PHF20: variants seen among roughly 807,000 people sequenced by gnomAD.
The protein encoded by PHF20 is glioma-expressed antigen 2.
PHF20 carries 23 observed loss-of-function variants against 113.5 expected under a neutral mutation model. The observed-to-expected ratio is 0.20, with a 90% confidence interval of 0.15 to 0.29. The LOEUF (loss-of-function observed/expected upper bound fraction) is 0.29. Ranked by LOEUF, PHF20 falls within the 10% of genes least tolerant of loss-of-function variation. PHF20 has a pLI of 1.00. For synonymous variants in PHF20, 434 were observed against 457.3 expected, an observed-to-expected ratio of 0.95 and a Z score of 0.65; for missense variants, 943 against 1,219.6, an observed-to-expected ratio of 0.77 and a Z score of 3.38.
At chr20:35,840,074 G>T (rs1289147691) in intron 2 of PHF20, among the ~76,000 whole-genome samples, 1 of 152,154 alleles carries the variant, frequency 6.6e-6, no homozygotes, top group Admixed American at 6.5e-5. Flanking sequence ...TAGGTAGGTA[G>T]CATGTGTTTA....
intron 1 of PHF20, among the ~76,000 whole-genome samples, chr20:35,781,297 C>G (rs546581733): frequency 3.1e-4 from 47 of 151,946 alleles, no homozygotes; most frequent in Non-Finnish European, 5.3e-4. Flanking sequence ...GCCTGCACCA[C>G]CACATCCGGC....
rs778378425 is a variant in PHF20, at chr20:35,801,541, A to C, written c.19A>C (p.Asn7His). MTKHPP[N>H]RRGISFEVGA... ...ACTGAAAATGACAAAGCATCCACCT[A>C]ACAGACGAGGAATCAGCTTTGAAGT... The change falls in exon 2 of 18, where the codon AAC (asparagine) becomes CAC (histidine). Residue 7 changes from asparagine (N) to histidine (H), a missense_variant. Physicochemically the swap from Asn to His is moderately conservative, Grantham distance 68 (BLOSUM62 1). Transcript: ENST00000374012. 4.3e-6 allele frequency: 7 copies of C among 1,613,682 alleles called. No homozygotes were observed. The South Asian group carries it at 7.7e-5, about 18-fold the overall frequency.
chr20:35,899,568 T>C lies in PHF20; in HGVS notation c.1481T>C (p.Val494Ala), dbSNP rs576290949. 1 of 1,614,140 alleles carries C rather than the reference T, an allele frequency of 6.2e-7. No homozygotes were observed. Among genetic ancestry groups the C allele is most frequent in the African/African-American group, 1.3e-5 (1 of 75,038 alleles). The change falls in exon 10 of 18, where the codon GTC becomes GCC. Residue 494 changes from valine to alanine, a missense_variant. By Grantham distance (64) the Val-to-Ala change is moderately conservative (BLOSUM62 0). Around this residue, in one of 3 missense-constraint regions of PHF20, gnomAD observed 592 missense variants for 787.2 expected, o/e 0.75. Transcript: ENST00000374012. ...EPEESPGKRH[V>A]QTRGPSASDK... ...GAAGAGAGCCCGGGAAAGAGGCATG[T>C]CCAAACCAGGGGCCCTTCAGCTTCA... is the stretch of plus-strand genomic sequence containing the variant.
intron 10 of PHF20, among the ~76,000 whole-genome samples, chr20:35,902,219 A>G (rs933204491): frequency 6.6e-6 from 1 of 152,192 alleles, no homozygotes; most frequent in Non-Finnish European, 1.5e-5. Context: ...TGTAGAAACA[A>G]CCAGCACTGA....
intron 10 of PHF20, among the ~76,000 whole-genome samples, chr20:35,911,369 G>A (rs1406539155): frequency 6.6e-6 from 1 of 152,118 alleles, no homozygotes; most frequent in East Asian, 1.9e-4. Context: ...TTGCTGAAAA[G>A]TCTTCCATTG....
intron 2 of PHF20, among the ~76,000 whole-genome samples, chr20:35,810,027 T>G (rs2041950000): frequency 6.6e-6 from 1 of 152,036 alleles, no homozygotes; most frequent in Non-Finnish European, 1.5e-5. Flanking sequence ...CCTCCTGAGT[T>G]CAAGCGATTC....
chr20:35,799,065 A>G (rs1166179110), intron 1 of PHF20, among the ~76,000 whole-genome samples: 2 of 151,972 alleles, frequency 1.3e-5, no homozygotes, highest in South Asian at 2.1e-4. Context: ...ATTTTTTTCC[A>G]TACTCATTTA....
At chr20:35,892,666 T>A (rs1166882744) in intron 9 of PHF20, among the ~76,000 whole-genome samples, 1 of 152,216 alleles carries the variant, frequency 6.6e-6, no homozygotes, top group Non-Finnish European at 1.5e-5. Flanking sequence ...GTTCTGAAAT[T>A]ATAGCAAATT....
chr20:35,878,912 A>G (rs760615554), intron 9 of PHF20, among the ~76,000 whole-genome samples: 4 of 152,198 alleles, frequency 2.6e-5, no homozygotes, highest in Admixed American at 6.5e-5. Context: ...CTGAATTACT[A>G]GTGACTAGTT....
chr20:35,798,897 G>A (rs1046252721), intron 1 of PHF20, among the ~76,000 whole-genome samples: 1 of 152,100 alleles, frequency 6.6e-6, no homozygotes, highest in Non-Finnish European at 1.5e-5. Flanking sequence ...CAGTAGCTGG[G>A]ATTATAAGCC....
At chr20:35,933,727 T>G (rs1190627913) in intron 15 of PHF20, among the ~76,000 whole-genome samples, 1 of 152,168 alleles carries the variant, frequency 6.6e-6, no homozygotes, top group African/African-American at 2.4e-5. Context: ...GAGATGGGGT[T>G]TCACCATGTT....
At chr20:35,801,739 G>C (rs1284117728) in intron 2 of PHF20, 134 bp downstream of exon 2, 1 of 608,710 alleles carries the variant, frequency 1.6e-6, no homozygotes, top group African/African-American at 1.9e-5. Context: ...GGAAATGTCA[G>C]TCTTTTCTCT....
chr20:35,806,441 G>A (rs62211718), intron 2 of PHF20, among the ~76,000 whole-genome samples: 2 of 151,966 alleles, frequency 1.3e-5, no homozygotes, highest in South Asian at 2.1e-4. Context: ...GATTACAAGC[G>A]TGAGTCACCA....
At chr20:35,816,762 A>G (rs982707342) in intron 2 of PHF20, among the ~76,000 whole-genome samples, 2 of 147,052 alleles carry the variant, frequency 1.4e-5, no homozygotes, top group Non-Finnish European at 3.0e-5. Context: ...GATTTATGTC[A>G]TAAACTTAAT....
At chr20:35,860,809 A>G (rs1244805932) in intron 5 of PHF20, among the ~76,000 whole-genome samples, 1 of 152,146 alleles carries the variant, frequency 6.6e-6, no homozygotes, top group Admixed American at 6.6e-5. Context: ...ACTTGTCCAG[A>G]ATTGGCAGGT....
At chr20:35,924,192 C>CTTTTTTTTTTTTTTT (rs767943006) in intron 13 of PHF20, among the ~76,000 whole-genome samples, 9 of 129,900 alleles carry the variant, frequency 6.9e-5, no homozygotes, top group East Asian at 2.1e-4. Context: ...CTTTTCTTTT[C>CTTTTTTTTTTTTTTT]TTTTTTTTTT....
chr20:35,795,364 AGCTGGG>A, intron 1 of PHF20, among the ~76,000 whole-genome samples: 1 of 151,768 alleles, frequency 6.6e-6, no homozygotes, highest in Non-Finnish European at 1.5e-5. Flanking sequence ...CCTCCTGAGT[AGCTGGG>A]ATTATAGGTG....
chr20:35,865,605 C>G (rs55813027), intron 6 of PHF20, among the ~76,000 whole-genome samples: 2 of 144,986 alleles, frequency 1.4e-5, no homozygotes, highest in African/African-American at 5.2e-5. Context: ...TAGGCTCAAG[C>G]GATGCTCCTA....
Position 35,938,865 on chromosome 20 carries a change from C to T in PHF20, c.2469C>T (p.Ala823=), listed in dbSNP as rs758926780. ...NGAVEKPRPL[A]LPLPRSVEES... is the part of the protein sequence containing the mutation. ...CAGTGGAGAAGCCCAGGCCCCTGGC[C>T]CTGCCCCTGCCGCGTTCTGTGGAGG... Residue 823 remains alanine, a synonymous_variant, in exon 16 of 18, where the codon GCC becomes GCT. Transcript: ENST00000374012. 9.3e-6 allele frequency: 15 copies of T among 1,614,036 alleles called. No homozygotes were observed. The highest frequency in any genetic ancestry group is 1.6e-4 in the Middle Eastern group (1 of 6,082).
Sources: allele counts gnomAD v4.1 joint callset (sites outside exome capture counted in the v4.1 genomes callset), GRCh38; gene constraint gnomAD v4.1.1; regional missense constraint gnomAD v4.1.1; transcripts MANE v1.5; gene names NCBI Gene and HGNC (gene_info 2026-07-23, HGNC 2026-07-21).